The following ARL15 variants were observed in gnomAD, a reference collection of about 807,000 sequenced individuals.
ARL15 encodes the protein ADP-ribosylation factor-like protein 15.
A neutral mutation model predicts 25.2 loss-of-function variants in ARL15; 19 were observed. The ratio of observed to expected loss-of-function variants is 0.75; its 90% confidence interval spans 0.53 to 1.10. ARL15 has a LOEUF of 1.10. Among genes scored for constraint, ARL15 ranks in the 50% least tolerant of loss-of-function variants. ARL15 has a pLI of 0.00. For missense variants in ARL15, 220 were observed against 246.0 expected, an observed-to-expected ratio of 0.89 and a Z score of 0.71; for synonymous variants, 94 against 86.8, an observed-to-expected ratio of 1.08 and a Z score of -0.46.
intron 4 of ARL15, among the ~76,000 whole-genome samples, chr5:54,022,612 C>CA (rs1749643167): frequency 6.6e-6 from 1 of 152,160 alleles, no homozygotes; most frequent in South Asian, 2.1e-4. Context: ...TTTCTCCCCT[C>CA]AAACCTCTAT....
At position 53,958,287 on chromosome 5, in the gene ARL15, T is replaced by C. The variant is rs183168388; in HGVS notation, c.463-71574A>G. 1.1e-4 allele frequency among the ~76,000 whole-genome samples: 16 copies of C among 151,636 alleles called. No individual in the cohort carries two copies. In the East Asian group the frequency reaches 3.1e-3, roughly 29 times the overall value. On this transcript the variant is annotated intron_variant, in intron 4 of 4. Coordinates refer to ENST00000504924, the MANE Select transcript of ARL15 (RefSeq NM_019087.3). ...ATAAATGTAATTTATGAGAACAACATAAAGAGGAGGAGAACAAAGCCGTAC... is the reference window on the plus strand; with the variant it reads ...ATAAATGTAATTTATGAGAACAACACAAAGAGGAGGAGAACAAAGCCGTAC...
chr5:54,236,413 C>G (rs983471918), intron 1 of ARL15, among the ~76,000 whole-genome samples: 66 of 99,736 alleles, frequency 6.6e-4, no homozygotes, highest in Non-Finnish European at 1.2e-3. Flanking sequence ...CACAGACACA[C>G]ACACACACAC....
intron 4 of ARL15, among the ~76,000 whole-genome samples, chr5:54,005,233 A>G (rs1247940953): frequency 6.7e-6 from 1 of 149,784 alleles, no homozygotes. Context: ...CATAGGTAGT[A>G]GATGGCAGAA....
intron 4 of ARL15, among the ~76,000 whole-genome samples, chr5:53,893,717 T>A (rs1329143902): frequency 6.6e-6 from 1 of 152,200 alleles, no homozygotes; most frequent in Non-Finnish European, 1.5e-5. Flanking sequence ...GCTGCCTTCA[T>A]TACAGAGGCT....
At chr5:54,211,767 C>G (rs1336061456) in intron 1 of ARL15, among the ~76,000 whole-genome samples, 1 of 151,828 alleles carries the variant, frequency 6.6e-6, no homozygotes, top group Non-Finnish European at 1.5e-5. Context: ...CCACCGTGAC[C>G]GGCCAAATGA....
At chr5:54,026,272 C>G (rs1407823079) in intron 4 of ARL15, among the ~76,000 whole-genome samples, 1 of 151,392 alleles carries the variant, frequency 6.6e-6, no homozygotes, top group African/African-American at 2.5e-5. Context: ...AATTTATTTT[C>G]TTTCTTTATT....
chr5:54,197,489 C>T (rs939012402), intron 1 of ARL15, among the ~76,000 whole-genome samples: 5 of 152,196 alleles, frequency 3.3e-5, no homozygotes, highest in African/African-American at 1.2e-4. Context: ...CAGCACAGTA[C>T]ATAAAAAAGA....
At chr5:54,277,975 T>C (rs545025490) in intron 1 of ARL15, among the ~76,000 whole-genome samples, 7 of 152,270 alleles carry the variant, frequency 4.6e-5, no homozygotes, top group African/African-American at 1.4e-4. Context: ...GTACCATTCC[T>C]GGAGAAGGGC....
intron 3 of ARL15, among the ~76,000 whole-genome samples, chr5:54,118,905 T>C (rs1164480562): frequency 6.6e-6 from 1 of 152,222 alleles, no homozygotes; most frequent in Non-Finnish European, 1.5e-5. Context: ...CCATACAAAC[T>C]GATATGCCAG....
At chr5:54,022,983 T>C (rs1749662312) in intron 4 of ARL15, among the ~76,000 whole-genome samples, 1 of 152,078 alleles carries the variant, frequency 6.6e-6, no homozygotes, top group African/African-American at 2.4e-5. Context: ...GTAGAAATCG[T>C]TGAACTGAAA....
At position 54,028,930 on chromosome 5, in the gene ARL15, G is replaced by A. The variant is rs916952681; in HGVS notation, c.462+84272C>T. On this transcript the variant is annotated intron_variant, in intron 4 of 4. Coordinates refer to ENST00000504924, the MANE Select transcript of ARL15 (RefSeq NM_019087.3). ...CCAGCTACTTGGGAAGCTGAGATGG[G>A]AGGATGGCCTTAGCCTAGGAAGTCA... 2.0e-4 allele frequency among the ~76,000 whole-genome samples: 30 copies of A among 152,160 alleles called. 1 individual carries two copies. Among genetic ancestry groups the A allele is most frequent in the African/African-American group, 7.2e-4 (30 of 41,432 alleles).
At chr5:54,248,154 T>C (rs1235486215) in intron 1 of ARL15, among the ~76,000 whole-genome samples, 2 of 152,180 alleles carry the variant, frequency 1.3e-5, no homozygotes, top group Non-Finnish European at 2.9e-5. Context: ...CAAATGTATA[T>C]GTTGAAGCTC....
chr5:54,287,672 T>C (rs1758216307), intron 1 of ARL15, among the ~76,000 whole-genome samples: 1 of 152,126 alleles, frequency 6.6e-6, no homozygotes, highest in African/African-American at 2.4e-5. Context: ...CATATGAATA[T>C]ACAAAACATC....
intron 4 of ARL15, among the ~76,000 whole-genome samples, chr5:54,028,557 T>G (rs539901624): frequency 1.3e-5 from 2 of 151,926 alleles, no homozygotes; most frequent in South Asian, 4.2e-4. Context: ...ATTTTCTAAG[T>G]TTCTAGCAAA....
At chr5:53,965,502 G>A (rs1022015320) in intron 4 of ARL15, among the ~76,000 whole-genome samples, 1 of 152,178 alleles carries the variant, frequency 6.6e-6, no homozygotes, top group African/African-American at 2.4e-5. Context: ...CCTGAGGTGG[G>A]GGGGACTTGT....
chr5:54,180,298 C>T (rs899589165), intron 1 of ARL15, among the ~76,000 whole-genome samples: 3 of 152,206 alleles, frequency 2.0e-5, no homozygotes, highest in African/African-American at 4.8e-5. Context: ...AATGAGCATG[C>T]GATCTCTTAG....
chr5:54,252,127 T>C (rs955957584), intron 1 of ARL15, among the ~76,000 whole-genome samples: 3 of 152,172 alleles, frequency 2.0e-5, no homozygotes, highest in African/African-American at 7.2e-5. Context: ...ACTGGAGAGA[T>C]TGTCTGTGAG....
At chr5:53,999,710 C>T (rs543516668) in intron 4 of ARL15, among the ~76,000 whole-genome samples, 2 of 152,168 alleles carry the variant, frequency 1.3e-5, no homozygotes, top group South Asian at 2.1e-4. Flanking sequence ...GTTGGGAGTT[C>T]GAGACCAGCC....
At chr5:54,168,399 CTTTTT>C (rs10611567) in intron 2 of ARL15, among the ~76,000 whole-genome samples, 1 of 148,648 alleles carries the variant, frequency 6.7e-6, no homozygotes, top group African/African-American at 2.5e-5. Context: ...ATTCTCCCTA[CTTTTT>C]TTTTTTTTAA....
Sources: gnomAD v4.1 joint callset for allele counts (sites outside exome capture counted in the v4.1 genomes callset) on GRCh38, gnomAD v4.1.1 for gene constraint, MANE v1.5 for transcripts, NCBI Gene and HGNC (gene_info 2026-07-23, HGNC 2026-07-21) for gene names.